The following STXBP4 variants were observed in gnomAD, a reference collection of about 807,000 sequenced individuals.
The protein encoded by STXBP4 is syntaxin binding protein 4, also known as syntaxin-binding protein 4.
STXBP4 carries 55 observed loss-of-function variants against 76.1 expected under a neutral mutation model. That is an observed-to-expected ratio of 0.72 (90% CI 0.58 to 0.91). The LOEUF is 0.91. STXBP4 is among the 40% of genes least tolerant of loss of function. STXBP4 has a pLI of 0.00. For missense variants in STXBP4, 618 were observed against 636.9 expected (o/e 0.97, Z 0.32); for synonymous variants, 201 against 220.2 (o/e 0.91, Z 0.77).
intron 16 of STXBP4, among the ~76,000 whole-genome samples, chr17:55,140,790 A>G (rs973749393): frequency 2.0e-5 from 3 of 152,212 alleles, no homozygotes; most frequent in Non-Finnish European, 4.4e-5. Flanking sequence ...AAATGCCACA[A>G]TCCATTGTAA....
At chr17:55,123,900 A>G (rs2079875540) in intron 16 of STXBP4, among the ~76,000 whole-genome samples, 2 of 148,880 alleles carry the variant, frequency 1.3e-5, no homozygotes, top group African/African-American at 4.9e-5. Flanking sequence ...CTCAGTCTCA[A>G]AAAAAAAAAA....
chr17:54,998,348 G>A (rs369289198), intron 4 of STXBP4, among the ~76,000 whole-genome samples: 1 of 152,128 alleles, frequency 6.6e-6, no homozygotes, highest in African/African-American at 2.4e-5. Flanking sequence ...TTCTACCACT[G>A]TACTAATTAA....
intron 1 of STXBP4, among the ~76,000 whole-genome samples, chr17:54,975,523 T>C (rs2077461398): frequency 6.6e-6 from 1 of 152,136 alleles, no homozygotes; most frequent in Non-Finnish European, 1.5e-5. Flanking sequence ...GATTTAATTA[T>C]GTGATTAAAG....
At chr17:55,023,937 A>G (rs139323687) in intron 8 of STXBP4, among the ~76,000 whole-genome samples, 1 of 151,036 alleles carries the variant, frequency 6.6e-6, no homozygotes, top group African/African-American at 2.4e-5. Flanking sequence ...AAAAAAAAAA[A>G]AAAGAAAACA....
intron 8 of STXBP4, among the ~76,000 whole-genome samples, chr17:55,017,797 G>C (rs891928956): frequency 1.3e-5 from 2 of 152,142 alleles, no homozygotes; most frequent in East Asian, 3.9e-4. Context: ...AACCCAGAAG[G>C]GTTGGGAGTT....
intron 16 of STXBP4, among the ~76,000 whole-genome samples, chr17:55,088,875 A>C (rs998606672): frequency 6.6e-6 from 1 of 152,198 alleles, no homozygotes; most frequent in Non-Finnish European, 1.5e-5. Context: ...CATTGCATAC[A>C]TGGCCATCCC....
chr17:54,990,951 T>C lies in STXBP4; in HGVS notation c.174T>C (p.Cys58=). 6.4e-7 allele frequency: 1 copy of C among 1,564,374 alleles called. No individual in the cohort carries two copies. The highest frequency in any genetic ancestry group is 8.6e-7 in the Non-Finnish European group (1 of 1,162,106). ...AGGAAATTATTCCTGGAGGAGACTG[T>C]TATAAGGTAAAAATATGTCCCATGC... ...YIQEIIPGGD[C]YKDGRLKPGD... Residue 58 remains cysteine (C), a synonymous_variant, in exon 4 of 18, where the codon TGT becomes TGC. Coordinates refer to ENST00000376352, the MANE Select transcript of STXBP4 (RefSeq NM_178509.6).
chr17:55,011,803 T>C (rs576288098), intron 8 of STXBP4, among the ~76,000 whole-genome samples: 2 of 152,284 alleles, frequency 1.3e-5, no homozygotes, highest in South Asian at 4.1e-4. Context: ...TTAGGGATTC[T>C]TAGTCGGCCT....
chr17:55,026,866 C>T (rs948128251), intron 8 of STXBP4, among the ~76,000 whole-genome samples: 2 of 152,110 alleles, frequency 1.3e-5, no homozygotes, highest in Non-Finnish European at 2.9e-5. Flanking sequence ...AAGTATGCTG[C>T]GGCCTCAGGC....
Position 55,167,685 on chromosome 17 carries a change from G to C in STXBP4, c.*7774G>C, listed in dbSNP as rs1451885120. 1 of 152,238 alleles carries C rather than the reference G, an allele frequency of 6.6e-6. No homozygotes were observed. Among genetic ancestry groups the C allele is most frequent in the Non-Finnish European group, 1.5e-5 (1 of 68,044 alleles). 9.4% of individuals were successfully genotyped at this position (152,238 alleles called of 1,614,324 possible). On this transcript the variant is annotated 3_prime_UTR_variant, in exon 18 of 18. Transcript: ENST00000376352. ...CATTTCAGAGCAGCAGCAAACTTCT[G>C]TTCTTATGGGTTAATTAATCATGTT...
intron 12 of STXBP4, among the ~76,000 whole-genome samples, chr17:55,053,574 T>TA (rs1395286573): frequency 2.0e-5 from 3 of 152,154 alleles, no homozygotes; most frequent in Non-Finnish European, 4.4e-5. Flanking sequence ...TATGAGGATA[T>TA]TCTTTATACT....
At chr17:54,989,083 A>G (rs2077672127) in intron 3 of STXBP4, among the ~76,000 whole-genome samples, 1 of 152,228 alleles carries the variant, frequency 6.6e-6, no homozygotes, top group Non-Finnish European at 1.5e-5. Flanking sequence ...CTTTTTCTAA[A>G]AACTATAATC....
At chr17:55,056,706 A>C (rs991163410) in intron 12 of STXBP4, among the ~76,000 whole-genome samples, 1 of 152,110 alleles carries the variant, frequency 6.6e-6, no homozygotes, top group South Asian at 2.1e-4. Flanking sequence ...TGTCTCAAAA[A>C]CAAACAAAAA....
At chr17:55,032,538 T>C (rs922569191) in intron 9 of STXBP4, among the ~76,000 whole-genome samples, 2 of 152,146 alleles carry the variant, frequency 1.3e-5, no homozygotes, top group Non-Finnish European at 2.9e-5. Flanking sequence ...AGACTGAGTT[T>C]TTAGGCAGGA....
intron 8 of STXBP4, among the ~76,000 whole-genome samples, chr17:55,028,335 A>T (rs980612634): frequency 5.9e-5 from 9 of 152,166 alleles, no homozygotes; most frequent in Non-Finnish European, 1.2e-4. Context: ...TACAAACATA[A>T]CAATTTTAAA....
intron 17 of STXBP4, among the ~76,000 whole-genome samples, chr17:55,147,624 T>C (rs1394977846): frequency 6.6e-6 from 1 of 152,244 alleles, no homozygotes; most frequent in Non-Finnish European, 1.5e-5. Flanking sequence ...TGATATATTG[T>C]TCCTCGTATT....
intron 16 of STXBP4, among the ~76,000 whole-genome samples, chr17:55,108,048 C>A (rs1170903854): frequency 1.3e-5 from 2 of 152,180 alleles, no homozygotes; most frequent in African/African-American, 4.8e-5. Flanking sequence ...TGCTGTGTCC[C>A]AGGGAGATGG....
At chr17:55,117,259 G>C (rs1157177582) in intron 16 of STXBP4, among the ~76,000 whole-genome samples, 2 of 151,706 alleles carry the variant, frequency 1.3e-5, no homozygotes, top group Non-Finnish European at 3.0e-5. Context: ...AACGGGTATT[G>C]AAGCTATGGA....
intron 8 of STXBP4, among the ~76,000 whole-genome samples, chr17:55,026,055 A>G (rs2078407331): frequency 6.6e-6 from 1 of 152,242 alleles, no homozygotes; most frequent in South Asian, 2.1e-4. Context: ...AAATTTAAAA[A>G]AAGAAGTGCA....
Sources: gnomAD v4.1 joint callset for allele counts (sites outside exome capture counted in the v4.1 genomes callset) on GRCh38, gnomAD v4.1.1 for gene constraint, MANE v1.5 for transcripts, NCBI Gene and HGNC (gene_info 2026-07-23, HGNC 2026-07-21) for gene names.